ENTHD1: variants seen among roughly 807,000 people sequenced by gnomAD.
ENTHD1 encodes ENTH domain-containing protein 1.
In ENTHD1, 23 loss-of-function variants were observed where a neutral mutation model predicts 39.1. The observed-to-expected ratio is 0.59, with a 90% CI of 0.42 to 0.83. ENTHD1 has a LOEUF of 0.83. Ranked by LOEUF, ENTHD1 falls within the 40% of genes least tolerant of loss-of-function variation. The pLI is 0.00. For missense variants in ENTHD1, 624 were observed against 705.4 expected (o/e 0.88, Z 1.31); for synonymous variants, 230 against 258.2 (o/e 0.89, Z 1.05).
intron 6 of ENTHD1, among the ~76,000 whole-genome samples, chr22:39,744,753 AG>A (rs2065090303): frequency 1.3e-5 from 2 of 152,156 alleles, no homozygotes; most frequent in Non-Finnish European, 2.9e-5. Context: ...AGTACCCAAA[AG>A]TTAGTGAAAT....
rs527516938 is a variant in ENTHD1, at chr22:39,759,075, TTTC to T, written c.1219+6145_1219+6147del. On this transcript the variant is annotated intron_variant, in intron 6 of 6. Transcript: ENST00000325157. ...GAGGAATATTGGTCTATAATTTACT[TTTC>T]TTGAAATGTCTTTGTCAGATTTTGG... Among the ~76,000 whole-genome samples, 556 of 152,320 alleles carry T rather than the reference TTTC, an allele frequency of 3.7e-3. 5 individuals are homozygous for T. The highest frequency in any genetic ancestry group is 0.012 in the African/African-American group (490 of 41,562).
chr22:39,778,105 T>C (rs1173802171), intron 5 of ENTHD1, among the ~76,000 whole-genome samples: 1 of 152,182 alleles, frequency 6.6e-6, no homozygotes, highest in East Asian at 1.9e-4. Context: ...GTGAATTAAA[T>C]ATATGGAATG....
chr22:39,762,987 T>G (rs774642063), intron 6 of ENTHD1, among the ~76,000 whole-genome samples: 20 of 152,156 alleles, frequency 1.3e-4, no homozygotes, highest in Admixed American at 7.9e-4. Context: ...AATGAAAAAT[T>G]TTAAGAGCTC....
intron 2 of ENTHD1, among the ~76,000 whole-genome samples, chr22:39,868,692 T>C (rs1341221868): frequency 1.3e-5 from 2 of 152,136 alleles, no homozygotes; most frequent in South Asian, 2.1e-4. Flanking sequence ...AGACAGCCTA[T>C]AGAATGGGAG....
At chr22:39,756,111 C>T (rs2065182034) in intron 6 of ENTHD1, among the ~76,000 whole-genome samples, 1 of 152,176 alleles carries the variant, frequency 6.6e-6, no homozygotes, top group Non-Finnish European at 1.5e-5. Flanking sequence ...TCCTATCAGG[C>T]TCATGCTGCC....
intron 3 of ENTHD1, among the ~76,000 whole-genome samples, chr22:39,857,576 C>T (rs1036197337): frequency 5.9e-5 from 9 of 151,562 alleles, no homozygotes; most frequent in African/African-American, 1.5e-4. Flanking sequence ...CTTAAGCTTA[C>T]GATTCACCAG....
intron 2 of ENTHD1, chr22:39,875,313 C>G (rs1302451889): frequency 7.8e-7 from 1 of 1,284,362 alleles, no homozygotes; most frequent in East Asian, 3.3e-5. Context: ...GCAGCCCGCT[C>G]GGGCCCGTTC....
intron 3 of ENTHD1, among the ~76,000 whole-genome samples, chr22:39,852,022 T>A (rs769252480): frequency 6.6e-6 from 1 of 152,170 alleles, no homozygotes; most frequent in Non-Finnish European, 1.5e-5. Context: ...CATCTCTCTA[T>A]ATGCATGTAT....
At position 39,890,516 on chromosome 22, in the gene ENTHD1, G is replaced by A. The variant is rs564055195; in HGVS notation, c.-155-2613C>T. ...GTTAGAATCATAACTTGCTGGAATT[G>A]AACAACAAATGTTAATTTTTTTTTC... On this transcript the variant is annotated intron_variant, in intron 1 of 6. Coordinates refer to ENST00000325157, the MANE Select transcript of ENTHD1 (RefSeq NM_152512.4). Among the ~76,000 whole-genome samples, 95 of 152,118 alleles carry A rather than the reference G, an allele frequency of 6.2e-4. 2 individuals are homozygous for A. The Middle Eastern group carries it at 0.014, about 22-fold the overall frequency.
chr22:39,819,381 CAAAAA>C (rs994909281), intron 5 of ENTHD1, among the ~76,000 whole-genome samples: 1 of 103,346 alleles, frequency 9.7e-6, no homozygotes, highest in African/African-American at 3.5e-5. Context: ...AAAACAAAAA[CAAAAA>C]AAGAAAAGAA....
chr22:39,764,968 TGCTC>T (rs1431137983), intron 6 of ENTHD1, among the ~76,000 whole-genome samples: 1 of 152,136 alleles, frequency 6.6e-6, no homozygotes, highest in Non-Finnish European at 1.5e-5. Flanking sequence ...GCACCAAAAT[TGCTC>T]AGATCTTATA....
intron 5 of ENTHD1, among the ~76,000 whole-genome samples, chr22:39,779,565 A>G (rs1191364801): frequency 6.6e-6 from 1 of 152,162 alleles, no homozygotes; most frequent in Non-Finnish European, 1.5e-5. Context: ...AGAAAAAAAA[A>G]AAAGAAATTT....
rs2065269414 is a variant in ENTHD1 at position 39,765,508 on chromosome 22, G to C, written c.934C>G (p.Leu312Val). Residue 312 changes from leucine (L) to valine (V), a missense_variant, in exon 6 of 7, where the codon CTC becomes GTC. By Grantham distance (32) the Leu-to-Val change is conservative (BLOSUM62 1). Transcript: ENST00000325157. ...TGCTTTTCTAAAGGTGTTTCCAAGAGGTTTTCTGTGACAGTATTTGTAAAG... is the reference window on the plus strand; with the variant it reads ...TGCTTTTCTAAAGGTGTTTCCAAGACGTTTTCTGTGACAGTATTTGTAAAG... ...GIFTNTVTEN[L>V]LETPLEKQSA... The C allele has an allele frequency of 6.2e-7, 1 of 1,613,800 alleles. No homozygotes were observed. The highest frequency in any genetic ancestry group is 8.5e-7 in the Non-Finnish European group (1 of 1,179,942).
chr22:39,842,735 T>C (rs1286909702), intron 3 of ENTHD1, among the ~76,000 whole-genome samples: 4 of 150,554 alleles, frequency 2.7e-5, no homozygotes, highest in Admixed American at 1.3e-4. Flanking sequence ...ATATCCAGAA[T>C]CTACAATGAA....
intron 5 of ENTHD1, among the ~76,000 whole-genome samples, chr22:39,771,671 G>A (rs2065326292): frequency 6.6e-6 from 1 of 151,840 alleles, no homozygotes. Flanking sequence ...AGAGGCTAGA[G>A]GATAGCAGAA....
Position 39,743,617 on chromosome 22 carries a change from C to T in ENTHD1, c.*62G>A. 6.6e-7 allele frequency: 1 copy of T among 1,505,822 alleles called. No homozygotes were observed. The highest frequency in any genetic ancestry group is 8.9e-7 in the Non-Finnish European group (1 of 1,129,608). The allele number at this position is 1,505,822 out of a possible 1,614,324, so 93.3% of individuals were successfully genotyped here. A position where few individuals can be genotyped will look rare whatever the true frequency, so the allele number is the denominator to read the frequency against. On this transcript the variant is annotated 3_prime_UTR_variant, in exon 7 of 7. Coordinates refer to ENST00000325157, the MANE Select transcript of ENTHD1 (RefSeq NM_152512.4). Reference sequence around the variant, plus strand: ...CATAATAATATGAATTTATACAATGCTAACGTAAGTCTTGGGGAAGTGGAA... The same window carrying T: ...CATAATAATATGAATTTATACAATGTTAACGTAAGTCTTGGGGAAGTGGAA...
chr22:39,819,700 T>A (rs2065765189), intron 5 of ENTHD1, among the ~76,000 whole-genome samples: 1 of 152,128 alleles, frequency 6.6e-6, no homozygotes, highest in African/African-American at 2.4e-5. Context: ...CCACAGAATA[T>A]ATAACACCAA....
intron 6 of ENTHD1, among the ~76,000 whole-genome samples, chr22:39,763,158 A>G (rs1425581472): frequency 2.0e-5 from 3 of 152,118 alleles, no homozygotes; most frequent in African/African-American, 7.2e-5. Context: ...GGTGTAGGCT[A>G]TCAGGGGTCC....
At chr22:39,830,441 T>G (rs1409007449) in intron 4 of ENTHD1, among the ~76,000 whole-genome samples, 1 of 152,156 alleles carries the variant, frequency 6.6e-6, no homozygotes, top group East Asian at 1.9e-4. Context: ...AATTTTAATT[T>G]TATGTACCTT....
Sources: gnomAD v4.1 joint callset for allele counts (sites outside exome capture counted in the v4.1 genomes callset) on GRCh38, gnomAD v4.1.1 for gene constraint, MANE v1.5 for transcripts, NCBI Gene and HGNC (gene_info 2026-07-23, HGNC 2026-07-21) for gene names.